The following PTN variants were observed in gnomAD, a reference collection of about 807,000 sequenced individuals.
The protein encoded by PTN is heparin affin regulatory protein.
A neutral mutation model predicts 24.1 loss-of-function variants in PTN; 18 were observed. The ratio of observed to expected loss-of-function variants is 0.75; its 90% CI spans 0.52 to 1.11. The LOEUF is 1.11. PTN is among the 50% of genes least tolerant of loss of function. The probability of loss-of-function intolerance (pLI) is 0.00; values close to 1 mark genes in which losing one functional copy is unlikely to be tolerated. For missense variants in PTN, 163 were observed against 198.8 expected, an observed-to-expected ratio of 0.82 and a Z score of 1.08; for synonymous variants, 78 against 68.6, an observed-to-expected ratio of 1.14 and a Z score of -0.67.
At chr7:137,296,214 T>C (rs1435903211) in intron 1 of PTN, among the ~76,000 whole-genome samples, 1 of 152,204 alleles carries the variant, frequency 6.6e-6, no homozygotes, top group South Asian at 2.1e-4. Flanking sequence ...ATATGTGAAA[T>C]TATCTGATAA....
chr7:137,267,348 T>G (rs560331441), intron 1 of PTN, among the ~76,000 whole-genome samples: 16 of 152,104 alleles, frequency 1.1e-4, no homozygotes, highest in East Asian at 9.7e-4. Flanking sequence ...TCTGCTGGTC[T>G]TTCCTTGCCT....
intron 1 of PTN, among the ~76,000 whole-genome samples, chr7:137,264,515 G>T (rs1238677763): frequency 2.0e-5 from 3 of 152,112 alleles, no homozygotes; most frequent in Non-Finnish European, 4.4e-5. Flanking sequence ...ACTTTGCAGG[G>T]GTTGGCGAAG....
intron 1 of PTN, among the ~76,000 whole-genome samples, chr7:137,279,649 A>G (rs1300794599): frequency 6.6e-6 from 1 of 152,212 alleles, no homozygotes; most frequent in Non-Finnish European, 1.5e-5. Flanking sequence ...AACTATAGAG[A>G]TAGAAAAGAC....
At chr7:137,228,959 C>T (rs2128866819) in intron 4 of PTN, among the ~76,000 whole-genome samples, 1 of 151,928 alleles carries the variant, frequency 6.6e-6, no homozygotes, top group Admixed American at 6.6e-5. Flanking sequence ...TAAGTACAGG[C>T]TCTGGAGTCA....
intron 3 of PTN, 77 bp downstream of exon 3, chr7:137,253,387 T>G: frequency 7.1e-7 from 1 of 1,409,968 alleles, no homozygotes; most frequent in Non-Finnish European, 9.6e-7. Flanking sequence ...AAAGTACTTA[T>G]CCTTAAAAAG....
At chr7:137,334,580 T>C (rs1451616674) in intron 1 of PTN, among the ~76,000 whole-genome samples, 1 of 101,008 alleles carries the variant, frequency 9.9e-6, no homozygotes, top group Admixed American at 1.0e-4. Context: ...TAGGAACACT[T>C]TTACACTGTT....
intron 1 of PTN, among the ~76,000 whole-genome samples, chr7:137,259,576 C>T (rs1808996915): frequency 6.6e-6 from 1 of 151,544 alleles, no homozygotes; most frequent in African/African-American, 2.4e-5. Context: ...AATTAGTGTA[C>T]CCCTTTACTC....
At chr7:137,293,273 G>A (rs996498466) in intron 1 of PTN, among the ~76,000 whole-genome samples, 4 of 152,078 alleles carry the variant, frequency 2.6e-5, no homozygotes, top group African/African-American at 4.8e-5. Context: ...TAGATGGAGT[G>A]AAACTACCTC....
intron 1 of PTN, among the ~76,000 whole-genome samples, chr7:137,339,707 G>C (rs1246897496): frequency 6.6e-6 from 1 of 152,068 alleles, no homozygotes; most frequent in Non-Finnish European, 1.5e-5. Flanking sequence ...TCCGTACATA[G>C]AGAAATGTAT....
chr7:137,232,182 C>T (rs1260610383), intron 4 of PTN, among the ~76,000 whole-genome samples: 1 of 151,918 alleles, frequency 6.6e-6, no homozygotes, highest in African/African-American at 2.4e-5. Context: ...TGGATTGAGG[C>T]TGCAAAGCAG....
chr7:137,295,103 G>A (rs772033864), intron 1 of PTN, among the ~76,000 whole-genome samples: 7 of 152,030 alleles, frequency 4.6e-5, no homozygotes, highest in African/African-American at 1.4e-4. Context: ...TAGTCAGACC[G>A]GAAATGTACT....
At chr7:137,313,447 G>C (rs1234634546) in intron 1 of PTN, among the ~76,000 whole-genome samples, 1 of 152,178 alleles carries the variant, frequency 6.6e-6, no homozygotes, top group African/African-American at 2.4e-5. Flanking sequence ...CGGCTCTGCA[G>C]TGTGTTTTTA....
intron 4 of PTN, among the ~76,000 whole-genome samples, chr7:137,243,820 T>A (rs1027945287): frequency 1.3e-5 from 2 of 152,168 alleles, no homozygotes; most frequent in Non-Finnish European, 2.9e-5. Context: ...AAGCATTATA[T>A]GTGCTGAACA....
chr7:137,263,597 G>C (rs1351358090), intron 1 of PTN, among the ~76,000 whole-genome samples: 2 of 152,166 alleles, frequency 1.3e-5, no homozygotes, highest in Admixed American at 1.3e-4. Flanking sequence ...CCCATGAGCT[G>C]TCTTGTGCCT....
At chr7:137,283,295 T>C (rs1340485241) in intron 1 of PTN, among the ~76,000 whole-genome samples, 2 of 152,204 alleles carry the variant, frequency 1.3e-5, no homozygotes, top group Non-Finnish European at 2.9e-5. Flanking sequence ...AGTTAGCTAC[T>C]CCTTCAAGAA....
At chr7:137,255,655 T>C (rs1430737170) in intron 1 of PTN, among the ~76,000 whole-genome samples, 4 of 152,254 alleles carry the variant, frequency 2.6e-5, no homozygotes, top group African/African-American at 9.6e-5. Flanking sequence ...TCTTAGGATA[T>C]GGTGAAGTCT....
intron 1 of PTN, among the ~76,000 whole-genome samples, chr7:137,270,039 A>G (rs1034010517): frequency 6.6e-6 from 1 of 152,066 alleles, no homozygotes; most frequent in Admixed American, 6.5e-5. Context: ...GGAGTCACCT[A>G]CCCTATGCCA....
intron 1 of PTN, among the ~76,000 whole-genome samples, chr7:137,313,436 G>A (rs989105753): frequency 2.0e-5 from 3 of 152,200 alleles, no homozygotes; most frequent in Non-Finnish European, 4.4e-5. Context: ...AGTGAGGACT[G>A]CGGCTCTGCA....
At chr7:137,256,058 G>T (rs1232994655) in intron 1 of PTN, among the ~76,000 whole-genome samples, 1 of 152,022 alleles carries the variant, frequency 6.6e-6, no homozygotes, top group Non-Finnish European at 1.5e-5. Context: ...GTATATAAGG[G>T]GTTGAGATTA....
Sources: gnomAD v4.1 joint callset for allele counts (sites outside exome capture counted in the v4.1 genomes callset) on GRCh38, gnomAD v4.1.1 for gene constraint, MANE v1.5 for transcripts, NCBI Gene and HGNC (gene_info 2026-07-23, HGNC 2026-07-21) for gene names.